SLFN12L: variants seen among roughly 807,000 people sequenced by gnomAD.
The protein encoded by SLFN12L is schlafen family member 12-like.
A neutral mutation model predicts 34.8 loss-of-function variants in SLFN12L; 34 were observed. That is an observed-to-expected ratio of 0.98 (90% CI 0.74 to 1.30). SLFN12L has a LOEUF of 1.30. Among genes scored for constraint, SLFN12L ranks in the 50% most tolerant of loss-of-function variants. The pLI, the probability that SLFN12L is intolerant of heterozygous loss-of-function variation, is 0.00. For missense variants in SLFN12L, 703 were observed against 696.2 expected (o/e 1.01, Z -0.11); for synonymous variants, 259 against 247.5 (o/e 1.05, Z -0.44).
At position 35,470,185 on chromosome 17, in the gene SLFN12L, A is replaced by G. The variant is rs1017543827; in HGVS notation, c.*4738T>C. On this transcript the variant is annotated 3_prime_UTR_variant, in exon 5 of 5. Transcript: ENST00000628453. ...AAAGTTTATATTTTCCTACTGCAAA[A>G]CTATGTTCCATGTAGATCTGGCCCA... 6.6e-5 allele frequency: 10 copies of G among 152,254 alleles called. No individual in the cohort carries two copies. The highest frequency in any genetic ancestry group is 2.4e-4 in the African/African-American group (10 of 41,446). 9.4% of individuals were successfully genotyped at this position (152,254 alleles called of 1,614,324 possible). A position where few individuals can be genotyped will look rare whatever the true frequency, so the allele number is the denominator to read the frequency against.
At chr17:35,498,575 C>A (rs1915181499) in intron 2 of SLFN12L, 4 of 1,554,850 alleles carry the variant, frequency 2.6e-6, no homozygotes, top group Non-Finnish European at 3.6e-6. Context: ...AAAGTTTTTA[C>A]AGCCGCTTCC....
At chr17:35,502,118 A>C (rs1189661218) in intron 2 of SLFN12L, among the ~76,000 whole-genome samples, 1 of 152,086 alleles carries the variant, frequency 6.6e-6, no homozygotes, top group African/African-American at 2.4e-5. Flanking sequence ...TTAAGAAAAA[A>C]AAAGTGTACA....
rs527890377 is a variant in SLFN12L, at chr17:35,465,172, G to A, written c.*9751C>T. ...TGGGATTACAGGCGTGAGCCACCAC[G>A]CCTGGCCAGAACTGAAAGCTCTAAA... On this transcript the variant is annotated 3_prime_UTR_variant, in exon 5 of 5. Coordinates refer to ENST00000628453, the MANE Select transcript of SLFN12L (RefSeq NM_001363830.2). 4.1e-4 allele frequency among the ~76,000 whole-genome samples: 63 copies of A among 152,212 alleles called. No homozygotes were observed. Among genetic ancestry groups the A allele is most frequent in the Admixed American group, 2.4e-3 (36 of 15,294 alleles).
chr17:35,517,223 A>G (rs930629977), intron 2 of SLFN12L, among the ~76,000 whole-genome samples: 1 of 151,798 alleles, frequency 6.6e-6, no homozygotes, highest in African/African-American at 2.4e-5. Flanking sequence ...TGGGGCAGAG[A>G]AAAAAAAATC....
intron 2 of SLFN12L, chr17:35,490,450 C>A: frequency 1.9e-6 from 2 of 1,060,330 alleles, no homozygotes; most frequent in Non-Finnish European, 3.0e-6. Context: ...AGCGGAAGTG[C>A]TAAAAGTGCA....
chr17:35,502,435 A>C (rs974854323), intron 2 of SLFN12L, among the ~76,000 whole-genome samples: 2 of 148,662 alleles, frequency 1.3e-5, no homozygotes, highest in African/African-American at 5.0e-5. Flanking sequence ...AAAAAAAAAA[A>C]AAAAAAAACG....
chr17:35,526,434 C>T (rs956111237), intron 1 of SLFN12L, among the ~76,000 whole-genome samples: 9 of 152,172 alleles, frequency 5.9e-5, no homozygotes, highest in African/African-American at 2.2e-4. Context: ...GGCACTTATT[C>T]TAAAATTGAC....
At chr17:35,487,918 C>A (rs1914665425) in intron 2 of SLFN12L, 30 of 728,450 alleles carry the variant, frequency 4.1e-5, no homozygotes, top group Admixed American at 8.0e-5. Context: ...GGTGTGTCTG[C>A]GAATCCAACG....
chr17:35,467,900 T>C lies in SLFN12L; in HGVS notation c.*7023A>G, dbSNP rs932176957. On this transcript the variant is annotated 3_prime_UTR_variant, in exon 5 of 5. Coordinates refer to ENST00000628453, the MANE Select transcript of SLFN12L (RefSeq NM_001363830.2). ...TTCTGTTTATCTTTTTTGTTTTGTT[T>C]GTTTGTTTTTGCTTTTTGTTTTGGT... Among the ~76,000 whole-genome samples the C allele has an allele frequency of 1.3e-5, 2 of 152,142 alleles. No homozygotes were observed. Among genetic ancestry groups the C allele is most frequent in the Non-Finnish European group, 2.9e-5 (2 of 68,030 alleles).
intron 2 of SLFN12L, chr17:35,498,904 G>A: frequency 1.4e-6 from 1 of 711,206 alleles, no homozygotes; most frequent in Non-Finnish European, 2.6e-6. Flanking sequence ...GATATGCCCA[G>A]CCCTATTCTG....
intron 1 of SLFN12L, among the ~76,000 whole-genome samples, chr17:35,531,595 C>T (rs1300886889): frequency 1.3e-5 from 2 of 151,858 alleles, no homozygotes; most frequent in African/African-American, 4.8e-5. Flanking sequence ...TGGCAACTCT[C>T]TTCTTTTATT....
intron 2 of SLFN12L, chr17:35,500,389 CCACAGGCAGATAG>C (rs1915248992): frequency 6.6e-6 from 1 of 152,216 alleles, no homozygotes; most frequent in Admixed American, 6.5e-5. Context: ...GAAATGAAAT[CCACAGGCAGATAG>C]CCTGGCGCCA....
At chr17:35,481,174 C>T (rs1020186407) in intron 2 of SLFN12L, among the ~76,000 whole-genome samples, 1 of 152,212 alleles carries the variant, frequency 6.6e-6, no homozygotes, top group Non-Finnish European at 1.5e-5. Context: ...CACCCGTCAC[C>T]TAGCAGACCT....
intron 2 of SLFN12L, among the ~76,000 whole-genome samples, chr17:35,503,362 G>A (rs1322272222): frequency 1.3e-5 from 2 of 152,096 alleles, no homozygotes; most frequent in African/African-American, 4.8e-5. Context: ...CTTTAACAAA[G>A]ATTATAAAAG....
Position 35,522,464 on chromosome 17 carries a change from G to C in SLFN12L, c.-100C>G. 6.2e-7 allele frequency: 1 copy of C among 1,613,736 alleles called. No homozygotes were observed. Among genetic ancestry groups the C allele is most frequent in the Non-Finnish European group, 8.5e-7 (1 of 1,179,832 alleles). On this transcript the variant is annotated 5_prime_UTR_variant, in exon 2 of 5. Transcript: ENST00000628453. ...TTCTGGAGAATATCTCATACTGCTGGGCTGTGAGCAGATTTAAAACCTCAT... is the reference window on the plus strand; with the variant it reads ...TTCTGGAGAATATCTCATACTGCTGCGCTGTGAGCAGATTTAAAACCTCAT...
In SLFN12L at chr17:35,522,952, G is replaced by A. The variant is rs1020942720; in HGVS notation, c.-588C>T. On this transcript the variant is annotated 5_prime_UTR_variant, in exon 2 of 5. Transcript: ENST00000628453. Reference sequence around the variant, plus strand: ...TTCCAGAGGGATTCCAGAGTACATCGCAAATATCCTGGTAGCACTAGATGT... The same window carrying A: ...TTCCAGAGGGATTCCAGAGTACATCACAAATATCCTGGTAGCACTAGATGT... The A allele has an allele frequency of 9.2e-6, 5 of 541,478 alleles. No homozygotes were observed. Among genetic ancestry groups the A allele is most frequent in the South Asian group, 3.0e-5 (1 of 33,668 alleles). 33.5% of individuals were successfully genotyped at this position (541,478 alleles called of 1,614,324 possible). A position where few individuals can be genotyped will look rare whatever the true frequency, so the allele number is the denominator to read the frequency against.
intron 1 of SLFN12L, among the ~76,000 whole-genome samples, chr17:35,534,821 G>A (rs1161096133): frequency 6.6e-6 from 1 of 152,122 alleles, no homozygotes; most frequent in Non-Finnish European, 1.5e-5. Flanking sequence ...GAGAGAACCT[G>A]GATATATGCC....
intron 2 of SLFN12L, among the ~76,000 whole-genome samples, chr17:35,488,348 G>A (rs1480284223): frequency 6.6e-6 from 1 of 152,226 alleles, no homozygotes; most frequent in African/African-American, 2.4e-5. Flanking sequence ...CTAATGCACA[G>A]GGGAGGAGGG....
At position 35,474,422 on chromosome 17, in the gene SLFN12L, A is replaced by C. The variant is rs953487742; in HGVS notation, c.*501T>G. 3 of 152,632 alleles carry C rather than the reference A, an allele frequency of 2.0e-5. No homozygotes were observed. The highest frequency in any genetic ancestry group is 4.4e-5 in the Non-Finnish European group (3 of 68,408). 9.5% of individuals were successfully genotyped at this position (152,632 alleles called of 1,614,324 possible). The stretch of plus-strand genomic sequence containing the variant: ...AGGCTAATCCCAGTTTTCCAACATC[A>C]CGTCAAGTTGCCTAACTTGCAATGT... On this transcript the variant is annotated 3_prime_UTR_variant, in exon 5 of 5. Transcript: ENST00000628453.
Sources: gnomAD v4.1 joint callset for allele counts (sites outside exome capture counted in the v4.1 genomes callset) on GRCh38, gnomAD v4.1.1 for gene constraint, MANE v1.5 for transcripts, NCBI Gene and HGNC (gene_info 2026-07-23, HGNC 2026-07-21) for gene names.